Variants in OR51I1 observed in about 807,000 individuals in gnomAD.
OR51I1 encodes the protein olfactory receptor family 51 subfamily I member 1.
OR51I1 carries 5 observed loss-of-function variants against 6.9 expected under a neutral mutation model. That is an observed-to-expected ratio of 0.73 (90% CI 0.38 to 1.52). OR51I1 has a LOEUF of 1.52. Among genes scored for constraint, OR51I1 ranks in the 40% most tolerant of loss-of-function variants. The pLI is 0.03. For synonymous variants in OR51I1, 183 were observed against 140.3 expected (o/e 1.30, Z -2.15); for missense variants, 465 against 388.5 (o/e 1.20, Z -1.66).
chr11:5,441,216 A>T lies in OR51I1; in HGVS notation c.299T>A (p.Leu100Gln). ...AGTGTGGATGAAGAACATCTGGACCAGGCAAGCATTAAACGCAACATGGTT... is the reference window on the plus strand; with the variant it reads ...AGTGTGGATGAAGAACATCTGGACCTGGCAAGCATTAAACGCAACATGGTT... ...NYNHVAFNAC[L>Q]VQMFFIHTFS... Residue 100 changes from leucine to glutamine, a missense_variant, in exon 1 of 1, where the codon CTG (leucine) becomes CAG (glutamine). Physicochemically the swap from Leu to Gln is moderately radical, Grantham distance 113 (BLOSUM62 -2). Transcript: ENST00000380211. 1 of 1,614,024 alleles carries T rather than the reference A, an allele frequency of 6.2e-7. No homozygotes were observed.
Position 5,441,276 on chromosome 11 carries a change from A to G in OR51I1, c.239T>C (p.Leu80Pro). 1 of 1,613,956 alleles carries G rather than the reference A, an allele frequency of 6.2e-7. No homozygotes were observed. The highest frequency in any genetic ancestry group is 1.1e-5 in the South Asian group (1 of 91,084). ...LNDLGVSFST[L>P]PTVISTFCFN... ...GCAGAAAGTAGAAATCACAGTGGGA[A>G]GTGTAGAAAAGGACACTCCCAGATC... Residue 80 changes from leucine (L) to proline (P), a missense_variant, in exon 1 of 1, where the codon CTT (leucine) becomes CCT (proline). Physicochemically the swap from Leu to Pro is moderately conservative, Grantham distance 98. Coordinates refer to ENST00000380211, the MANE Select transcript of OR51I1 (RefSeq NM_001005288.3).
At position 5,440,835 on chromosome 11, in the gene OR51I1, A is replaced by G. The variant is rs775289416; in HGVS notation, c.680T>C (p.Met227Thr). 3 of 1,613,852 alleles carry G rather than the reference A, an allele frequency of 1.9e-6. No individual in the cohort carries two copies. Among genetic ancestry groups the G allele is most frequent in the Non-Finnish European group, 2.5e-6 (3 of 1,179,916 alleles). The change falls in exon 1 of 1, where the codon ATG becomes ACG. Residue 227 changes from methionine (M) to threonine (T), a missense_variant. Physicochemically the swap from Met to Thr is moderately conservative, Grantham distance 81 (BLOSUM62 -1). Coordinates refer to ENST00000380211, the MANE Select transcript of OR51I1 (RefSeq NM_001005288.3). ...CTGTTCCTGGGATATGATGACCAGCATGGCTCTCAGGATCAATGCGTAGGA... is the reference window on the plus strand; with the variant it reads ...CTGTTCCTGGGATATGATGACCAGCGTGGCTCTCAGGATCAATGCGTAGGA... ...LLSYALILRAMLVIISQEQRL... is the reference protein window; with the variant it reads ...LLSYALILRATLVIISQEQRL...
chr11:5,440,939 T>C lies in OR51I1; in HGVS notation c.576A>G (p.Gly192=). Residue 192 remains glycine, a synonymous_variant, in exon 1 of 1, where the codon GGA becomes GGG. Coordinates refer to ENST00000380211, the MANE Select transcript of OR51I1 (RefSeq NM_001005288.3). ...CATAAATGTTGTTAACATGGATGTC[T>C]CCACATGCTACTTTCATGAGATCTG... ...LHPDLMKVAC[G]DIHVNNIYGL... is the part of the protein sequence containing the mutation. 1 of 1,613,914 alleles carries C rather than the reference T, an allele frequency of 6.2e-7. No individual in the cohort carries two copies. The highest frequency in any genetic ancestry group is 8.5e-7 in the Non-Finnish European group (1 of 1,179,942).
Position 5,440,700 on chromosome 11 carries a change from G to A in OR51I1, c.815C>T (p.Pro272Leu). The A allele has an allele frequency of 1.2e-6, 2 of 1,613,998 alleles. No individual in the cohort carries two copies. The highest frequency in any genetic ancestry group is 1.7e-6 in the Non-Finnish European group (2 of 1,179,924). Residue 272 changes from proline to leucine, a missense_variant, in exon 1 of 1, where the codon CCT (proline) becomes CTT (leucine). Pro to Leu is a moderately conservative substitution (Grantham distance 98). Coordinates refer to ENST00000380211, the MANE Select transcript of OR51I1 (RefSeq NM_001005288.3). ...ATTGGACATCATGACATGAACAACA[G>A]GTGGAGCACTTTTCCAGAAGCGGTG... ...MIHRFWKSAP[P>L]VVHVMMSNVY... is the part of the protein sequence containing the mutation.
Position 5,441,236 on chromosome 11 carries a change from A to G in OR51I1, c.279T>C (p.His93=), listed in dbSNP as rs766730726. 3 of 1,613,986 alleles carry G rather than the reference A, an allele frequency of 1.9e-6. No individual in the cohort carries two copies. In the Admixed American group the frequency reaches 5.0e-5, roughly 27 times the overall value. ...GGACCAGGCAAGCATTAAACGCAAC[A>G]TGGTTGTAGTTGAAGCAGAAAGTAG... The part of the protein sequence containing the change: ...VISTFCFNYN[H]VAFNACLVQM... Residue 93 remains histidine (H), a synonymous_variant, in exon 1 of 1, where the codon CAT becomes CAC. Coordinates refer to ENST00000380211, the MANE Select transcript of OR51I1 (RefSeq NM_001005288.3).
At position 5,440,655 on chromosome 11, in the gene OR51I1, G is replaced by T; in HGVS notation, c.860C>A (p.Pro287His). The T allele has an allele frequency of 6.2e-7, 1 of 1,613,860 alleles. No homozygotes were observed. The highest frequency in any genetic ancestry group is 2.2e-5 in the East Asian group (1 of 44,866). ...ACTGTAGATGATAGGGTTGAGCATG[G>T]GTGGTACAAACAGGTAGACATTGGA... The part of the protein sequence containing the change: ...MMSNVYLFVP[P>H]MLNPIIYSVK... The change falls in exon 1 of 1, where the codon CCC becomes CAC. Residue 287 changes from proline to histidine, a missense_variant. Pro to His is a moderately conservative substitution (Grantham distance 77, BLOSUM62 -2). Transcript: ENST00000380211.
chr11:5,441,410 G>C lies in OR51I1; in HGVS notation c.105C>G (p.Ile35Met). 6.2e-7 allele frequency: 1 copy of C among 1,613,934 alleles called. No individual in the cohort carries two copies. ...GLTWVALIFCILYMISIVGNL... is the reference protein window; with the variant it reads ...GLTWVALIFCMLYMISIVGNL... The stretch of plus-strand genomic sequence containing the variant: ...TACCTACAATGGAGATCATGTAGAG[G>C]ATGCAGAAAATCAGGGCAACCCAGG... The change falls in exon 1 of 1, where the codon ATC (isoleucine) becomes ATG (methionine). Residue 35 changes from isoleucine to methionine, a missense_variant. Transcript: ENST00000380211.
rs771268858 is a variant in OR51I1 at position 5,440,685 on chromosome 11, A to G, written c.830T>C (p.Met277Thr). ...TACAAACAGGTAGACATTGGACATC[A>G]TGACATGAACAACAGGTGGAGCACT... ...WKSAPPVVHV[M>T]MSNVYLFVPP... Residue 277 changes from methionine to threonine, a missense_variant, in exon 1 of 1, where the codon ATG (methionine) becomes ACG (threonine). Coordinates refer to ENST00000380211, the MANE Select transcript of OR51I1 (RefSeq NM_001005288.3). 1.2e-5 allele frequency: 20 copies of G among 1,613,848 alleles called. No homozygotes were observed.
rs369918976 is a variant in OR51I1 at position 5,441,038 on chromosome 11, G to C, written c.477C>G (p.Phe159Leu). The change falls in exon 1 of 1, where the codon TTC becomes TTG. Residue 159 changes from phenylalanine (F) to leucine (L), a missense_variant. Transcript: ENST00000380211. ...GILTKSFTTL[F>L]PFPFVVKRLP... ...GTCGTTTCACCACAAAAGGGAAAGG[G>C]AAGAGAGTGGTGAAACTCTTGGTAA... 1.2e-5 allele frequency: 19 copies of C among 1,613,834 alleles called. No individual in the cohort carries two copies. The highest frequency in any genetic ancestry group is 1.5e-5 in the Non-Finnish European group (18 of 1,179,902).
rs180738396 is a variant in OR51I1, at chr11:5,440,656, G to A, written c.859C>T (p.Pro287Ser). 27 of 1,613,868 alleles carry A rather than the reference G, an allele frequency of 1.7e-5. No homozygotes were observed. Among genetic ancestry groups the A allele is most frequent in the Admixed American group, 3.3e-5 (2 of 59,958 alleles). The change falls in exon 1 of 1, where the codon CCC (proline) becomes TCC (serine). Residue 287 changes from proline to serine, a missense_variant. Pro to Ser is a moderately conservative substitution (Grantham distance 74). Coordinates refer to ENST00000380211, the MANE Select transcript of OR51I1 (RefSeq NM_001005288.3). ...MMSNVYLFVP[P>S]MLNPIIYSVK... is the part of the protein sequence containing the mutation. ...CTGTAGATGATAGGGTTGAGCATGG[G>A]TGGTACAAACAGGTAGACATTGGAC...
Position 5,440,643 on chromosome 11 carries a change from G to T in OR51I1, c.872C>A (p.Pro291His). Residue 291 changes from proline (P) to histidine (H), a missense_variant, in exon 1 of 1, where the codon CCT becomes CAT. Physicochemically the swap from Pro to His is moderately conservative, Grantham distance 77. Coordinates refer to ENST00000380211, the MANE Select transcript of OR51I1 (RefSeq NM_001005288.3). ...VYLFVPPMLN[P>H]IIYSVKTKEI... ...CTTGGTTTTCACACTGTAGATGATA[G>T]GGTTGAGCATGGGTGGTACAAACAG... is the stretch of plus-strand genomic sequence containing the variant. 1 of 1,613,854 alleles carries T rather than the reference G, an allele frequency of 6.2e-7. No individual in the cohort carries two copies. Among genetic ancestry groups the T allele is most frequent in the East Asian group, 2.2e-5 (1 of 44,866 alleles).
Position 5,440,824 on chromosome 11 carries a change from T to C in OR51I1, c.691A>G (p.Ile231Val), listed in dbSNP as rs748634317. The C allele has an allele frequency of 3.1e-6, 5 of 1,613,716 alleles. No homozygotes were observed. The Admixed American group carries it at 8.4e-5, about 27-fold the overall frequency. Residue 231 changes from isoleucine (I) to valine (V), a missense_variant, in exon 1 of 1, where the codon ATA (isoleucine) becomes GTA (valine). Physicochemically the swap from Ile to Val is conservative, Grantham distance 29. Transcript: ENST00000380211. The stretch of plus-strand genomic sequence containing the variant: ...GCCTTGAGCCGCTGTTCCTGGGATA[T>C]GATGACCAGCATGGCTCTCAGGATC... ...ALILRAMLVI[I>V]SQEQRLKALN... is the part of the protein sequence containing the mutation.
At position 5,440,921 on chromosome 11, in the gene OR51I1, G is replaced by A; in HGVS notation, c.594C>T (p.Asn198=). ...KVACGDIHVN[N]IYGLLVIIFT... ...AAATGATCACCAAGAGCCCATAAAT[G>A]TTGTTAACATGGATGTCTCCACATG... Residue 198 remains asparagine (N), a synonymous_variant, in exon 1 of 1, where the codon AAC becomes AAT. Coordinates refer to ENST00000380211, the MANE Select transcript of OR51I1 (RefSeq NM_001005288.3). 2 of 1,613,876 alleles carry A rather than the reference G, an allele frequency of 1.2e-6. No homozygotes were observed. Among genetic ancestry groups the A allele is most frequent in the East Asian group, 2.2e-5 (1 of 44,878 alleles).
Position 5,440,683 on chromosome 11 carries a change from T to G in OR51I1, c.832A>C (p.Met278Leu). The G allele has an allele frequency of 6.2e-7, 1 of 1,613,920 alleles. No individual in the cohort carries two copies. The highest frequency in any genetic ancestry group is 1.1e-5 in the South Asian group (1 of 91,082). ...GGTACAAACAGGTAGACATTGGACA[T>G]CATGACATGAACAACAGGTGGAGCA... is the stretch of plus-strand genomic sequence containing the variant. ...KSAPPVVHVM[M>L]SNVYLFVPPM... Residue 278 changes from methionine (M) to leucine (L), a missense_variant, in exon 1 of 1, where the codon ATG (methionine) becomes CTG (leucine). Physicochemically the swap from Met to Leu is conservative, Grantham distance 15. Transcript: ENST00000380211.
In OR51I1 at chr11:5,440,814, T is replaced by C; in HGVS notation, c.701A>G (p.Glu234Gly). 1 of 1,613,888 alleles carries C rather than the reference T, an allele frequency of 6.2e-7. No homozygotes were observed. Among genetic ancestry groups the C allele is most frequent in the Non-Finnish European group, 8.5e-7 (1 of 1,179,930 alleles). Residue 234 changes from glutamate (E) to glycine (G), a missense_variant, in exon 1 of 1, where the codon GAA (glutamate) becomes GGA (glycine). Coordinates refer to ENST00000380211, the MANE Select transcript of OR51I1 (RefSeq NM_001005288.3). Reference protein sequence around the residue: ...LRAMLVIISQEQRLKALNTCM... With the variant: ...LRAMLVIISQGQRLKALNTCM... Reference sequence around the variant, plus strand: ...GGTGTTGAGTGCCTTGAGCCGCTGTTCCTGGGATATGATGACCAGCATGGC... The same window carrying C: ...GGTGTTGAGTGCCTTGAGCCGCTGTCCCTGGGATATGATGACCAGCATGGC...
Position 5,441,212 on chromosome 11 carries a change from G to C in OR51I1, c.303C>G (p.Val101=), listed in dbSNP as rs1281700938. The change falls in exon 1 of 1, where the codon GTC becomes GTG. Residue 101 remains valine, a synonymous_variant. Coordinates refer to ENST00000380211, the MANE Select transcript of OR51I1 (RefSeq NM_001005288.3). The part of the protein sequence containing the change: ...YNHVAFNACL[V]QMFFIHTFSF... ...AGAAAGTGTGGATGAAGAACATCTG[G>C]ACCAGGCAAGCATTAAACGCAACAT... 1 of 1,613,876 alleles carries C rather than the reference G, an allele frequency of 6.2e-7. No individual in the cohort carries two copies. The highest frequency in any genetic ancestry group is 8.5e-7 in the Non-Finnish European group (1 of 1,179,960).
In OR51I1 at chr11:5,441,467, C is replaced by A. The variant is rs1299014105; in HGVS notation, c.48G>T (p.Leu16=). The A allele has an allele frequency of 1.2e-6, 2 of 1,613,478 alleles. No homozygotes were observed. The highest frequency in any genetic ancestry group is 2.2e-5 in the South Asian group (2 of 91,070). ...GTPFQPATLQ[L]TGIPGIQTGL... ...CTGTTTGTATCCCAGGAATGCCTGT[C>A]AGCTGGAGTGTTGCTGGCTGGAAGG... The change falls in exon 1 of 1, where the codon CTG becomes CTT. Residue 16 remains leucine (L), a synonymous_variant. Coordinates refer to ENST00000380211, the MANE Select transcript of OR51I1 (RefSeq NM_001005288.3).
At position 5,440,677 on chromosome 11, in the gene OR51I1, T is replaced by C. The variant is rs1850666021; in HGVS notation, c.838A>G (p.Asn280Asp). ...APPVVHVMMS[N>D]VYLFVPPMLN... ...ATGGGTGGTACAAACAGGTAGACAT[T>C]GGACATCATGACATGAACAACAGGT... Residue 280 changes from asparagine (N) to aspartate (D), a missense_variant, in exon 1 of 1, where the codon AAT (asparagine) becomes GAT (aspartate). By Grantham distance (23) the Asn-to-Asp change is conservative. Transcript: ENST00000380211. 1 of 1,613,794 alleles carries C rather than the reference T, an allele frequency of 6.2e-7. No homozygotes were observed. The highest frequency in any genetic ancestry group is 8.5e-7 in the Non-Finnish European group (1 of 1,179,892).
rs139838562 is a variant in OR51I1, at chr11:5,441,117, C to T, written c.398G>A (p.Arg133His). 68 of 1,613,960 alleles carry T rather than the reference C, an allele frequency of 4.2e-5. No homozygotes were observed. The highest frequency in any genetic ancestry group is 1.7e-4 in the Middle Eastern group (1 of 6,060). Residue 133 changes from arginine (R) to histidine (H), a missense_variant, in exon 1 of 1, where the codon CGC becomes CAC. Physicochemically the swap from Arg to His is conservative, Grantham distance 29 (BLOSUM62 0). Coordinates refer to ENST00000380211, the MANE Select transcript of OR51I1 (RefSeq NM_001005288.3). ...GTTGTGAGTGAGCACAGTGACATAG[C>T]GTAATGGATAACAAATAGCCACAAA... is the stretch of plus-strand genomic sequence containing the variant. ...DRFVAICYPL[R>H]YVTVLTHNRI... is the part of the protein sequence containing the mutation.
Sources: gnomAD v4.1 joint callset for allele counts on GRCh38, gnomAD v4.1.1 for gene constraint, MANE v1.5 for transcripts, NCBI Gene and HGNC (gene_info 2026-07-23, HGNC 2026-07-21) for gene names.